VSNL1: variants seen among roughly 807,000 people sequenced by gnomAD.
VSNL1 encodes the protein visinin like 1, also known as visinin-like protein 1.
In VSNL1, 6 loss-of-function variants were observed where a neutral mutation model predicts 20.4. The observed-to-expected ratio is 0.29, with a 90% CI of 0.16 to 0.58. The LOEUF (loss-of-function observed/expected upper bound fraction) is 0.58. Ranked by LOEUF, VSNL1 falls within the 20% of genes least tolerant of loss-of-function variation. The pLI is 0.90. For missense variants in VSNL1, 100 were observed against 234.5 expected, an observed-to-expected ratio of 0.43 and a Z score of 3.75; for synonymous variants, 93 against 86.4, an observed-to-expected ratio of 1.08 and a Z score of -0.42.
intron 2 of VSNL1, among the ~76,000 whole-genome samples, chr2:17,608,207 G>C (rs1249827068): frequency 6.6e-6 from 1 of 152,232 alleles, no homozygotes; most frequent in East Asian, 1.9e-4. Flanking sequence ...ATGCAAGGAA[G>C]ACCATAAAAG....
intron 1 of VSNL1, among the ~76,000 whole-genome samples, chr2:17,543,205 T>C (rs944299605): frequency 1.3e-5 from 2 of 152,244 alleles, no homozygotes; most frequent in Non-Finnish European, 2.9e-5. Context: ...GGATGTTTAG[T>C]CTGGCTTTTC....
chr2:17,628,775 C>A (rs1201124145), intron 2 of VSNL1, among the ~76,000 whole-genome samples: 1 of 152,222 alleles, frequency 6.6e-6, no homozygotes, highest in Admixed American at 6.5e-5. Context: ...GGCCTGAGCT[C>A]AGCCACCTGC....
chr2:17,622,601 A>AAAG (rs1349807130), intron 2 of VSNL1, among the ~76,000 whole-genome samples: 3 of 126,610 alleles, frequency 2.4e-5, no homozygotes, highest in East Asian at 2.7e-4. Flanking sequence ...AGAAAGAAAG[A>AAAG]AAAGAAAGAA....
intron 1 of VSNL1, among the ~76,000 whole-genome samples, chr2:17,584,450 T>TGGCCAAAA: frequency 1.3e-5 from 2 of 152,252 alleles, no homozygotes; most frequent in South Asian, 4.1e-4. Context: ...TTTTGACCCT[T>TGGCCAAAA]TGCAGATCAG....
intron 1 of VSNL1, among the ~76,000 whole-genome samples, chr2:17,563,966 C>A: frequency 6.6e-6 from 1 of 152,106 alleles, no homozygotes; most frequent in African/African-American, 2.4e-5. Flanking sequence ...TCTTAAAAAT[C>A]AATTCCTTTA....
At chr2:17,611,422 G>A (rs1311504264) in intron 2 of VSNL1, among the ~76,000 whole-genome samples, 1 of 152,230 alleles carries the variant, frequency 6.6e-6, no homozygotes, top group African/African-American at 2.4e-5. Flanking sequence ...ACCCAGCTCT[G>A]TGGTGAGGGT....
rs1666236373 is a variant in VSNL1 at position 17,656,494 on chromosome 2, G to C, written c.*1100G>C. 6.6e-6 allele frequency: 1 copy of C among 152,220 alleles called. No homozygotes were observed. The highest frequency in any genetic ancestry group is 2.4e-5 in the African/African-American group (1 of 41,454). The allele number at this position is 152,220 out of a possible 1,614,324, so 9.4% of individuals were successfully genotyped here. ...AACTACGTGGAGCTGTGCACACACAGCAGGTAGGCTGCAGGTGTCCCCCAA... is the reference window on the plus strand; with the variant it reads ...AACTACGTGGAGCTGTGCACACACACCAGGTAGGCTGCAGGTGTCCCCCAA... On this transcript the variant is annotated 3_prime_UTR_variant, in exon 4 of 4. Transcript: ENST00000295156.
At chr2:17,642,693 A>C (rs966508865) in intron 2 of VSNL1, among the ~76,000 whole-genome samples, 1 of 152,176 alleles carries the variant, frequency 6.6e-6, no homozygotes, top group Non-Finnish European at 1.5e-5. Flanking sequence ...AAAAAAGCAG[A>C]ACTTCTCTGG....
At chr2:17,573,521 T>G (rs946125135) in intron 1 of VSNL1, among the ~76,000 whole-genome samples, 1 of 152,080 alleles carries the variant, frequency 6.6e-6, no homozygotes, top group Non-Finnish European at 1.5e-5. Flanking sequence ...GAATTCATGG[T>G]TAGAAATTAG....
intron 1 of VSNL1, among the ~76,000 whole-genome samples, chr2:17,579,784 T>TC (rs1286554007): frequency 1.3e-5 from 2 of 152,170 alleles, no homozygotes; most frequent in Non-Finnish European, 2.9e-5. Context: ...GAAAAGGACC[T>TC]CCTGTGGTGC....
intron 2 of VSNL1, among the ~76,000 whole-genome samples, chr2:17,605,901 G>A (rs1033485072): frequency 6.6e-6 from 1 of 152,222 alleles, no homozygotes; most frequent in African/African-American, 2.4e-5. Context: ...ATGCATAGAT[G>A]AATAATAGAC....
intron 2 of VSNL1, among the ~76,000 whole-genome samples, chr2:17,637,682 A>C (rs1665786968): frequency 6.6e-6 from 1 of 152,212 alleles, no homozygotes; most frequent in Non-Finnish European, 1.5e-5. Flanking sequence ...TGCGCTATGC[A>C]AACCCCAGCC....
At chr2:17,636,904 A>G (rs1432382561) in intron 2 of VSNL1, among the ~76,000 whole-genome samples, 6 of 152,232 alleles carry the variant, frequency 3.9e-5, no homozygotes, top group Non-Finnish European at 8.8e-5. Context: ...TTATGACAGA[A>G]TCACAGAAAG....
intron 1 of VSNL1, among the ~76,000 whole-genome samples, chr2:17,570,074 A>G (rs896577523): frequency 4.6e-5 from 7 of 152,182 alleles, no homozygotes; most frequent in Admixed American, 1.3e-4. Flanking sequence ...AATCTTGCAA[A>G]TCTCCAAATT....
chr2:17,622,296 G>T (rs565745360), intron 2 of VSNL1, among the ~76,000 whole-genome samples: 14 of 151,068 alleles, frequency 9.3e-5, no homozygotes, highest in African/African-American at 3.2e-4. Context: ...TCAGGAGCTC[G>T]AGACCAGCCT....
At chr2:17,599,835 G>A (rs1470476936) in intron 2 of VSNL1, among the ~76,000 whole-genome samples, 1 of 152,212 alleles carries the variant, frequency 6.6e-6, no homozygotes, top group Non-Finnish European at 1.5e-5. Context: ...CAGCCTTCTT[G>A]CCACCTTTTC....
intron 1 of VSNL1, among the ~76,000 whole-genome samples, chr2:17,552,663 G>A (rs1035924286): frequency 6.6e-6 from 1 of 151,970 alleles, no homozygotes; most frequent in Non-Finnish European, 1.5e-5. Context: ...AATAGTATTA[G>A]CACAGCAAAA....
At chr2:17,632,176 G>GT (rs751878424) in intron 2 of VSNL1, among the ~76,000 whole-genome samples, 2 of 152,118 alleles carry the variant, frequency 1.3e-5, no homozygotes, top group Non-Finnish European at 2.9e-5. Context: ...GCCAGGTAAG[G>GT]TTTTTTGTAT....
At chr2:17,606,415 A>G (rs931765498) in intron 2 of VSNL1, among the ~76,000 whole-genome samples, 1 of 152,156 alleles carries the variant, frequency 6.6e-6, no homozygotes, top group African/African-American at 2.4e-5. Flanking sequence ...TTCTCATCAA[A>G]CAAATGGGAT....
Sources: allele counts gnomAD v4.1 joint callset (sites outside exome capture counted in the v4.1 genomes callset), GRCh38; gene constraint gnomAD v4.1.1; transcripts MANE v1.5; gene names NCBI Gene and HGNC (gene_info 2026-07-23, HGNC 2026-07-21).